Variants in TOP1MT observed in about 807,000 individuals in gnomAD.
TOP1MT encodes the protein DNA topoisomerase I mitochondrial, also known as DNA topoisomerase I, mitochondrial.
In TOP1MT, 80 loss-of-function variants were observed where a neutral mutation model predicts 73.9. The observed-to-expected ratio is 1.08, with a 90% CI of 0.90 to 1.30. The LOEUF (loss-of-function observed/expected upper bound fraction) is 1.30, where lower values mean the gene tolerates loss of function less well. TOP1MT is among the 50% of genes most tolerant of loss of function. The pLI is 0.00. For missense variants in TOP1MT, 815 were observed against 808.0 expected (o/e 1.01, Z -0.10); for synonymous variants, 338 against 326.4 (o/e 1.04, Z -0.38).
At chr8:143,326,646 A>G (rs1445618134) in intron 3 of TOP1MT, among the ~76,000 whole-genome samples, 1 of 152,202 alleles carries the variant, frequency 6.6e-6, no homozygotes, top group Non-Finnish European at 1.5e-5. Context: ...TTTGCACCCA[A>G]TAATTCCACT....
At chr8:143,334,588 G>T in intron 1 of TOP1MT, 152 bp downstream of exon 1, 1 of 1,136,744 alleles carries the variant, frequency 8.8e-7, no homozygotes, top group Non-Finnish European at 1.2e-6. Flanking sequence ...AGGCGGGCCG[G>T]TCACACCGCG....
At chr8:143,358,236 ACTCT>A (rs1011287352), upstream of TOP1MT, among the ~76,000 whole-genome samples, 1 of 152,068 alleles carries the variant, frequency 6.6e-6, no homozygotes, top group Non-Finnish European at 1.5e-5. Context: ...TCTGCCCAGT[ACTCT>A]CTCTCTTCCT....
rs892270250 is a variant in TOP1MT at position 143,341,992 on chromosome 8, TTA to T, written c.29+1226_29+1227del. Among the ~76,000 whole-genome samples, 132 of 125,158 alleles carry T rather than the reference TTA, an allele frequency of 1.1e-3. No individual in the cohort carries two copies. Among genetic ancestry groups the T allele is most frequent in the Non-Finnish European group, 1.3e-3 (77 of 58,122 alleles). 82.1% of individuals were successfully genotyped at this position (125,158 alleles called of 152,430 possible). A position where few individuals can be genotyped will look rare whatever the true frequency, so the allele number is the denominator to read the frequency against. ...CAGAGTCTCGCTGTTATTATTATTA[TTA>T]GAGACAGAGTCTCGCTCTGTTATTA... On this transcript the variant is annotated intron_variant, in intron 2 of 5. Coordinates refer to the TOP1MT transcript ENST00000518007. The surrounding 1 kb of genome is among the most constrained non-coding windows in gnomAD (Gnocchi z 4.1).
intron 5 of TOP1MT, 89 bp from the exon 6 acceptor site, chr8:143,324,718 G>A (rs1448061703): frequency 1.5e-5 from 22 of 1,487,964 alleles, no homozygotes; most frequent in East Asian, 2.3e-5. Context: ...ACCGTCCCAC[G>A]TGGTGGCTAT....
intron 3 of TOP1MT, 140 bp from the exon 4 acceptor site, chr8:143,326,484 G>T: frequency 9.0e-7 from 1 of 1,107,136 alleles, no homozygotes; most frequent in Non-Finnish European, 1.3e-6. Flanking sequence ...CCTGCGCACG[G>T]TCCTGCGGCC....
chr8:143,354,642 G>T (rs1200155842), intron 1 of TOP1MT, among the ~76,000 whole-genome samples: 1 of 152,118 alleles, frequency 6.6e-6, no homozygotes, highest in Non-Finnish European at 1.5e-5. Context: ...AACCTGGGAG[G>T]CGGAGGTTGC....
chr8:143,321,730 CAG>C (rs1391130125), intron 7 of TOP1MT, among the ~76,000 whole-genome samples: 3 of 135,120 alleles, frequency 2.2e-5, no homozygotes, highest in East Asian at 2.3e-4. Context: ...ACGCCACACA[CAG>C]GTACGCCACA....
At chr8:143,316,351 G>A (rs1563754135) in intron 10 of TOP1MT, among the ~76,000 whole-genome samples, 1 of 151,860 alleles carries the variant, frequency 6.6e-6, no homozygotes, top group Non-Finnish European at 1.5e-5. Context: ...TGGGGCCACA[G>A]CACAGGTAGC....
chr8:143,354,673 T>C (rs1045595197), intron 1 of TOP1MT, among the ~76,000 whole-genome samples: 1 of 151,696 alleles, frequency 6.6e-6, no homozygotes, highest in Non-Finnish European at 1.5e-5. Flanking sequence ...GATAGTGCCA[T>C]TGCACTCCAG....
intron 12 of TOP1MT, 85 bp from the exon 13 acceptor site, chr8:143,310,302 T>C: frequency 5.7e-6 from 6 of 1,046,548 alleles, no homozygotes; most frequent in Non-Finnish European, 8.0e-6. Context: ...CCTGCCGCCT[T>C]CCCTCCCAGT....
At chr8:143,318,500 T>C (rs1318127417) in intron 8 of TOP1MT, among the ~76,000 whole-genome samples, 3 of 152,146 alleles carry the variant, frequency 2.0e-5, no homozygotes, top group Non-Finnish European at 4.4e-5. Context: ...ACCAGTCCCT[T>C]TGGGGAGAGG....
chr8:143,324,989 C>G (rs1449773995), intron 5 of TOP1MT, among the ~76,000 whole-genome samples: 1 of 152,204 alleles, frequency 6.6e-6, no homozygotes, highest in African/African-American at 2.4e-5. Context: ...TCACACAGTA[C>G]AACATGTGGC....
chr8:143,333,010 C>T (rs1408742758), intron 1 of TOP1MT, among the ~76,000 whole-genome samples: 1 of 152,218 alleles, frequency 6.6e-6, no homozygotes, highest in Non-Finnish European at 1.5e-5. Context: ...AGCCCTGATA[C>T]AGCATGTCTA....
intron 3 of TOP1MT, among the ~76,000 whole-genome samples, chr8:143,328,806 C>T: frequency 6.6e-6 from 1 of 152,236 alleles, no homozygotes; most frequent in South Asian, 2.1e-4. Context: ...CAGGGGCGAG[C>T]CTCGCAGGTG....
chr8:143,322,029 C>T (rs1218194993), intron 7 of TOP1MT, among the ~76,000 whole-genome samples: 16 of 107,690 alleles, frequency 1.5e-4, no homozygotes, highest in African/African-American at 4.7e-4. Flanking sequence ...CCCACAGGCA[C>T]GCCATACAGA....
chr8:143,342,180 AGAGACAGTCTCGCTG>A, intron 2 of TOP1MT, among the ~76,000 whole-genome samples: 2 of 95,726 alleles, frequency 2.1e-5, no homozygotes, highest in Non-Finnish European at 3.7e-5. Context: ...TGTTATTATT[AGAGACAGTCTCGCTG>A]TTATTATTAT....
At chr8:143,347,590 A>T (rs111279127), upstream of TOP1MT, among the ~76,000 whole-genome samples, 25,283 of 152,116 alleles carry the variant, frequency 0.17, 2,665 homozygotes, top group South Asian at 0.3. Flanking sequence ...GCCAGGCCTC[A>T]CCTCTTAAAA....
chr8:143,352,839 G>A (rs996588510), intron 1 of TOP1MT, among the ~76,000 whole-genome samples: 1 of 152,136 alleles, frequency 6.6e-6, no homozygotes, highest in Non-Finnish European at 1.5e-5. Flanking sequence ...AGCCAAGCCT[G>A]GTCTCAATCT....
chr8:143,321,321 G>T lies in TOP1MT; in HGVS notation c.1026C>A (p.Ser342=). The change falls in exon 8 of 14, where the codon TCC becomes TCA. Residue 342 remains serine (S), a synonymous_variant. Transcript: ENST00000329245. ...GCAGCTGGACGTGCTCCACGCGGAG[G>T]GAACAGCAGCCCACGGTGTCGGCCG... The part of the protein sequence containing the change: ...GEAADTVGCC[S]LRVEHVQLHP... The T allele has an allele frequency of 1.2e-6, 2 of 1,608,318 alleles. No individual in the cohort carries two copies. The highest frequency in any genetic ancestry group is 1.3e-5 in the African/African-American group (1 of 74,830).
Sources: gnomAD v4.1 joint callset for allele counts (sites outside exome capture counted in the v4.1 genomes callset) on GRCh38, gnomAD v4.1.1 for gene constraint, Gnocchi (gnomAD v3.1) non-coding constraint, MANE v1.5 for transcripts, NCBI Gene and HGNC (gene_info 2026-07-23, HGNC 2026-07-21) for gene names.